CERS6: variants seen among roughly 807,000 people sequenced by gnomAD.
CERS6 encodes the protein LAG1 homolog, ceramide synthase 6.
In CERS6, 26 loss-of-function variants were observed where a neutral mutation model predicts 56.8. The ratio of observed to expected loss-of-function variants is 0.46; its 90% confidence interval spans 0.34 to 0.63. The LOEUF (loss-of-function observed/expected upper bound fraction) is 0.63, where lower values mean the gene tolerates loss of function less well. Among genes scored for constraint, CERS6 ranks in the 30% least tolerant of loss-of-function variants. The pLI is 0.01. For synonymous variants in CERS6, 164 were observed against 173.3 expected, an observed-to-expected ratio of 0.95 and a Z score of 0.42; for missense variants, 415 against 467.5, an observed-to-expected ratio of 0.89 and a Z score of 1.04.
At chr2:168,601,650 A>G (rs1683935342) in intron 3 of CERS6, among the ~76,000 whole-genome samples, 1 of 152,012 alleles carries the variant, frequency 6.6e-6, no homozygotes, top group Non-Finnish European at 1.5e-5. Context: ...CCTGGGTTCA[A>G]GCAGTTCTTC....
At chr2:168,628,250 G>A (rs1388548152) in intron 3 of CERS6, among the ~76,000 whole-genome samples, 1 of 151,996 alleles carries the variant, frequency 6.6e-6, no homozygotes, top group South Asian at 2.1e-4. Flanking sequence ...TTTCATTCCC[G>A]AATTTAGAGA....
At chr2:168,494,472 A>G (rs554580436) in intron 1 of CERS6, among the ~76,000 whole-genome samples, 1 of 152,342 alleles carries the variant, frequency 6.6e-6, no homozygotes, top group Admixed American at 6.5e-5. Flanking sequence ...CAAATAAATT[A>G]GTATTTAAAT....
At chr2:168,468,630 T>C (rs1383504415) in intron 1 of CERS6, among the ~76,000 whole-genome samples, 1 of 152,232 alleles carries the variant, frequency 6.6e-6, no homozygotes, top group African/African-American at 2.4e-5. Flanking sequence ...TCTGAGTGTT[T>C]GTTGAAACTC....
intron 1 of CERS6, among the ~76,000 whole-genome samples, chr2:168,510,109 C>T (rs920457293): frequency 6.9e-6 from 1 of 144,902 alleles, no homozygotes; most frequent in African/African-American, 2.6e-5. Flanking sequence ...AAAAAAAAAC[C>T]AAGTTATCTG....
At chr2:168,732,018 T>C (rs1202099477) in intron 8 of CERS6, among the ~76,000 whole-genome samples, 1 of 152,192 alleles carries the variant, frequency 6.6e-6, no homozygotes, top group Non-Finnish European at 1.5e-5. Flanking sequence ...CTTCACAAAA[T>C]AGGTTAAAGC....
At chr2:168,615,262 G>C (rs1684287994) in intron 3 of CERS6, among the ~76,000 whole-genome samples, 1 of 152,118 alleles carries the variant, frequency 6.6e-6, no homozygotes, top group Non-Finnish European at 1.5e-5. Flanking sequence ...CCACTCAAAT[G>C]AGAAGGAACC....
chr2:168,631,081 A>G, intron 4 of CERS6, 39 bp downstream of exon 4: 1 of 1,041,898 alleles, frequency 9.6e-7, no homozygotes, highest in East Asian at 2.7e-5. Flanking sequence ...TTCTTATGTA[A>G]GTGTATGTCT....
At chr2:168,749,820 G>A (rs1213543889) in intron 8 of CERS6, among the ~76,000 whole-genome samples, 2 of 152,220 alleles carry the variant, frequency 1.3e-5, no homozygotes, top group African/African-American at 4.8e-5. Flanking sequence ...CAAGCCGGAG[G>A]TAGAAGAAAA....
At chr2:168,510,698 T>C (rs1194751880) in intron 1 of CERS6, among the ~76,000 whole-genome samples, 2 of 152,220 alleles carry the variant, frequency 1.3e-5, no homozygotes, top group Non-Finnish European at 2.9e-5. Flanking sequence ...TTCTTTTTCC[T>C]GGAGTCTGTG....
chr2:168,657,824 CCA>C (rs1685528774), intron 4 of CERS6, among the ~76,000 whole-genome samples: 1 of 152,246 alleles, frequency 6.6e-6, no homozygotes, highest in Admixed American at 6.5e-5. Context: ...GCCTCTCCCT[CCA>C]CACCTCCCTG....
rs115051975 is a variant in CERS6, at chr2:168,658,186, G to A, written c.465+27144G>A. Among the ~76,000 whole-genome samples the A allele has an allele frequency of 3.4e-3, 514 of 152,180 alleles. 5 individuals carry two copies. Among genetic ancestry groups the A allele is most frequent in the African/African-American group, 0.012 (494 of 41,538 alleles). On this transcript the variant is annotated intron_variant, in intron 4 of 9. Coordinates refer to ENST00000305747, the MANE Select transcript of CERS6 (RefSeq NM_203463.3). ...CCTACCTAAGAGCTTTATCGTTAAG[G>A]ATTCAATGAGCAATGCCTAGTCCTA...
At chr2:168,731,117 A>G (rs1258588949) in intron 8 of CERS6, among the ~76,000 whole-genome samples, 6 of 152,158 alleles carry the variant, frequency 3.9e-5, no homozygotes, top group Non-Finnish European at 8.8e-5. Flanking sequence ...ATATAGCAAA[A>G]TGCATCTAAT....
At chr2:168,718,821 TA>T (rs1055569547) in intron 8 of CERS6, among the ~76,000 whole-genome samples, 28 of 152,334 alleles carry the variant, frequency 1.8e-4, no homozygotes, top group Admixed American at 9.8e-4. Flanking sequence ...TTCAGGTATA[TA>T]AAAGAGCTTT....
At chr2:168,721,568 T>TAAACA (rs1687369818) in intron 8 of CERS6, among the ~76,000 whole-genome samples, 1 of 25,168 alleles carries the variant, frequency 4.0e-5, no homozygotes, top group African/African-American at 1.3e-4. Flanking sequence ...TTTTTTTTGT[T>TAAACA]TAAAAAAAAC....
At chr2:168,660,038 A>G (rs1014885497) in intron 4 of CERS6, among the ~76,000 whole-genome samples, 5 of 152,210 alleles carry the variant, frequency 3.3e-5, no homozygotes, top group Non-Finnish European at 7.3e-5. Flanking sequence ...TTCTGTTGCC[A>G]CTATAACAGC....
chr2:168,649,095 G>A (rs754450092), intron 4 of CERS6, among the ~76,000 whole-genome samples: 1 of 152,082 alleles, frequency 6.6e-6, no homozygotes, highest in Non-Finnish European at 1.5e-5. Flanking sequence ...GGGGAGAGAA[G>A]GAAACTGATT....
intron 4 of CERS6, among the ~76,000 whole-genome samples, chr2:168,635,475 T>C (rs947066208): frequency 2.0e-5 from 3 of 152,140 alleles, no homozygotes; most frequent in African/African-American, 7.2e-5. Flanking sequence ...TCTTGCAGCC[T>C]TCCAGCCTTC....
chr2:168,570,924 A>G (rs1695973858), intron 3 of CERS6, among the ~76,000 whole-genome samples: 1 of 152,140 alleles, frequency 6.6e-6, no homozygotes, highest in Admixed American at 6.5e-5. Context: ...ACAATTTCTG[A>G]CCTTGCAGAA....
intron 4 of CERS6, among the ~76,000 whole-genome samples, chr2:168,641,520 A>G (rs4233818): frequency 0.35 from 53,919 of 152,044 alleles, 10,237 homozygotes; most frequent in South Asian, 0.52. Flanking sequence ...CATCACGTAC[A>G]TAGAATGACC....
Sources: gnomAD v4.1 joint callset for allele counts (sites outside exome capture counted in the v4.1 genomes callset) on GRCh38, gnomAD v4.1.1 for gene constraint, MANE v1.5 for transcripts, NCBI Gene and HGNC (gene_info 2026-07-23, HGNC 2026-07-21) for gene names.